The following HS3ST5 variants were observed in gnomAD, a reference collection of about 807,000 sequenced individuals.
HS3ST5 encodes the protein heparan sulfate-glucosamine 3-sulfotransferase 5.
HS3ST5 carries 10 observed loss-of-function variants against 25.4 expected under a neutral mutation model. That is an observed-to-expected ratio of 0.39 (90% CI 0.24 to 0.67). HS3ST5 has a LOEUF of 0.67. Ranked by LOEUF, HS3ST5 falls within the 30% of genes least tolerant of loss-of-function variation. The pLI is 0.44. For missense variants in HS3ST5, 324 were observed against 420.7 expected, an observed-to-expected ratio of 0.77 and a Z score of 2.01; for synonymous variants, 170 against 162.4, an observed-to-expected ratio of 1.05 and a Z score of -0.36.
intron 3 of HS3ST5, among the ~76,000 whole-genome samples, chr6:114,063,508 G>C (rs1399570184): frequency 3.0e-5 from 4 of 134,152 alleles, no homozygotes; most frequent in Non-Finnish European, 6.2e-5. Flanking sequence ...GAGAAGACCT[G>C]TCTCAGAAAA....
At chr6:114,084,333 A>C in intron 3 of HS3ST5, 1 of 761,514 alleles carries the variant, frequency 1.3e-6, no homozygotes, top group South Asian at 1.3e-5. Flanking sequence ...TCTCAGGCTG[A>C]GTAGCAGTGA....
chr6:114,137,599 G>A (rs990158121), intron 3 of HS3ST5, among the ~76,000 whole-genome samples: 7 of 152,178 alleles, frequency 4.6e-5, no homozygotes, highest in African/African-American at 1.4e-4. Flanking sequence ...TTGTCAAGTT[G>A]TGTCTCTCCT....
intron 2 of HS3ST5, among the ~76,000 whole-genome samples, chr6:114,210,055 A>G (rs1162187695): frequency 1.3e-5 from 2 of 152,218 alleles, no homozygotes; most frequent in Non-Finnish European, 2.9e-5. Flanking sequence ...CAAAATTGAT[A>G]TGTCATCCAA....
At chr6:114,235,239 GT>G (rs1052675739) in intron 1 of HS3ST5, among the ~76,000 whole-genome samples, 16 of 152,210 alleles carry the variant, frequency 1.1e-4, no homozygotes, top group African/African-American at 3.9e-4. Context: ...GCATAAAATG[GT>G]AAAAAGCTTT....
intron 3 of HS3ST5, among the ~76,000 whole-genome samples, chr6:114,114,708 T>C (rs1376734908): frequency 6.6e-6 from 1 of 152,114 alleles, no homozygotes; most frequent in Non-Finnish European, 1.5e-5. Context: ...TTAATCATAG[T>C]ATAATATCTA....
intron 1 of HS3ST5, among the ~76,000 whole-genome samples, chr6:114,229,313 G>A (rs1771465189): frequency 6.6e-6 from 1 of 152,184 alleles, no homozygotes; most frequent in African/African-American, 2.4e-5. Flanking sequence ...TAGAATCTTT[G>A]TTGGATGAGT....
intron 3 of HS3ST5, among the ~76,000 whole-genome samples, chr6:114,146,940 G>C (rs964747395): frequency 6.6e-6 from 1 of 152,152 alleles, no homozygotes; most frequent in East Asian, 1.9e-4. Flanking sequence ...CCCAGTTGCA[G>C]GTATTTCTTT....
chr6:114,156,891 C>T (rs1778724767), intron 3 of HS3ST5, among the ~76,000 whole-genome samples: 1 of 152,164 alleles, frequency 6.6e-6, no homozygotes, highest in Admixed American at 6.5e-5. Context: ...CCTTTCTCCT[C>T]TCACTCCAAG....
At chr6:114,127,997 A>G (rs1270687213) in intron 3 of HS3ST5, among the ~76,000 whole-genome samples, 4 of 151,584 alleles carry the variant, frequency 2.6e-5, no homozygotes, top group Admixed American at 1.3e-4. Context: ...CTCTAATACA[A>G]CCATACAGCT....
intron 2 of HS3ST5, among the ~76,000 whole-genome samples, chr6:114,178,258 T>A (rs1038202599): frequency 2.0e-5 from 3 of 152,172 alleles, no homozygotes; most frequent in Non-Finnish European, 4.4e-5. Context: ...CACAGAGACA[T>A]CTCTTGGTGA....
intron 1 of HS3ST5, among the ~76,000 whole-genome samples, chr6:114,290,215 G>T (rs1237910424): frequency 6.6e-6 from 1 of 152,098 alleles, no homozygotes; most frequent in Non-Finnish European, 1.5e-5. Flanking sequence ...GCCAAAAGTG[G>T]TCTTTTCGAA....
At chr6:114,139,547 A>C (rs1033467363) in intron 3 of HS3ST5, among the ~76,000 whole-genome samples, 4 of 152,180 alleles carry the variant, frequency 2.6e-5, no homozygotes, top group African/African-American at 7.2e-5. Context: ...AGTTGAACTT[A>C]ATTGCTAAAT....
At chr6:114,092,679 G>GTT (rs749120403) in intron 3 of HS3ST5, among the ~76,000 whole-genome samples, 8 of 125,094 alleles carry the variant, frequency 6.4e-5, no homozygotes, top group African/African-American at 8.9e-5. Context: ...TATTTATTTT[G>GTT]TTTTTTTTTT....
intron 2 of HS3ST5, among the ~76,000 whole-genome samples, chr6:114,185,755 T>A (rs1322203459): frequency 1.3e-5 from 2 of 151,646 alleles, no homozygotes; most frequent in African/African-American, 2.4e-5. Context: ...TTTTTTTTTT[T>A]TTGAGAAAGG....
At chr6:114,201,163 T>G (rs1256084263) in intron 2 of HS3ST5, among the ~76,000 whole-genome samples, 10 of 152,190 alleles carry the variant, frequency 6.6e-5, no homozygotes. Context: ...CAGTACTAAA[T>G]TTGATCTTTC....
intron 1 of HS3ST5, among the ~76,000 whole-genome samples, chr6:114,337,651 T>C (rs775566477): frequency 3.9e-5 from 6 of 152,220 alleles, no homozygotes; most frequent in Non-Finnish European, 7.4e-5. Flanking sequence ...CACGGCTTCA[T>C]TACAATTGCC....
chr6:114,192,616 T>C (rs1780555901), intron 2 of HS3ST5, among the ~76,000 whole-genome samples: 1 of 152,126 alleles, frequency 6.6e-6, no homozygotes. Flanking sequence ...TGTCCTGTAA[T>C]TCTAAAGTGT....
intron 1 of HS3ST5, among the ~76,000 whole-genome samples, chr6:114,300,240 G>A (rs888255406): frequency 6.6e-6 from 1 of 151,738 alleles, no homozygotes; most frequent in Non-Finnish European, 1.5e-5. Context: ...GAGAATAGGA[G>A]AAAATATTTA....
At chr6:114,252,681 A>G (rs897535173) in intron 1 of HS3ST5, among the ~76,000 whole-genome samples, 1 of 152,056 alleles carries the variant, frequency 6.6e-6, no homozygotes, top group African/African-American at 2.4e-5. Context: ...ACTCCAATTT[A>G]AGGCTGATCC....
Sources: allele counts gnomAD v4.1 joint callset (sites outside exome capture counted in the v4.1 genomes callset), GRCh38; gene constraint gnomAD v4.1.1; transcripts MANE v1.5; gene names NCBI Gene and HGNC (gene_info 2026-07-23, HGNC 2026-07-21).